Variants in CHN2 observed in about 807,000 individuals in gnomAD.
CHN2 encodes the protein chimerin 2, also known as beta-chimaerin.
CHN2 carries 35 observed loss-of-function variants against 56.3 expected under a neutral mutation model. The observed-to-expected ratio is 0.62, with a 90% CI of 0.47 to 0.82. The LOEUF (loss-of-function observed/expected upper bound fraction) is 0.82. Ranked by LOEUF, CHN2 falls within the 40% of genes least tolerant of loss-of-function variation. The pLI, the probability that CHN2 is intolerant of heterozygous loss-of-function variation, is 0.00. For synonymous variants in CHN2, 210 were observed against 212.8 expected (o/e 0.99, Z 0.12); for missense variants, 491 against 580.5 (o/e 0.85, Z 1.58).
intron 1 of CHN2, among the ~76,000 whole-genome samples, chr7:29,314,562 G>T (rs143545583): frequency 1.3e-5 from 2 of 152,090 alleles, no homozygotes; most frequent in Admixed American, 1.3e-4. Flanking sequence ...ATAAAATTAA[G>T]TGTAAAACTA....
At chr7:29,457,174 T>A (rs1009368458) in intron 6 of CHN2, among the ~76,000 whole-genome samples, 2 of 152,096 alleles carry the variant, frequency 1.3e-5, no homozygotes, top group Non-Finnish European at 2.9e-5. Context: ...AGTGCCACCA[T>A]CAGAGCAGGT....
At chr7:29,454,680 A>C (rs2128133103) in intron 6 of CHN2, among the ~76,000 whole-genome samples, 1 of 152,310 alleles carries the variant, frequency 6.6e-6, no homozygotes, top group East Asian at 1.9e-4. Context: ...CTTCTGCCCA[A>C]AAATGACACC....
intron 1 of CHN2, among the ~76,000 whole-genome samples, chr7:29,223,114 A>G (rs1352174670): frequency 6.6e-6 from 1 of 152,198 alleles, no homozygotes; most frequent in Non-Finnish European, 1.5e-5. Context: ...GCTCAACACT[A>G]TTAGTCATGA....
At chr7:29,399,461 T>TA (rs1802027551) in intron 5 of CHN2, among the ~76,000 whole-genome samples, 1 of 152,168 alleles carries the variant, frequency 6.6e-6, no homozygotes, top group Non-Finnish European at 1.5e-5. Context: ...TCACAAGTAT[T>TA]AAACATCACA....
chr7:29,283,226 T>C (rs558809851), intron 1 of CHN2, among the ~76,000 whole-genome samples: 1 of 152,326 alleles, frequency 6.6e-6, no homozygotes, highest in African/African-American at 2.4e-5. Context: ...CTGAGTGCTT[T>C]GTGTATTAAC....
chr7:29,421,838 C>T (rs1329895093), intron 6 of CHN2, among the ~76,000 whole-genome samples: 1 of 152,142 alleles, frequency 6.6e-6, no homozygotes, highest in Non-Finnish European at 1.5e-5. Flanking sequence ...GCTATTTGAA[C>T]ACCGGCCCAT....
intron 1 of CHN2, among the ~76,000 whole-genome samples, chr7:29,270,497 A>C (rs1414740220): frequency 6.7e-6 from 1 of 150,226 alleles, no homozygotes; most frequent in Non-Finnish European, 1.5e-5. Flanking sequence ...TCTACTAAAA[A>C]AAAAAAAAAA....
At chr7:29,476,259 G>A (rs1025322334) in intron 6 of CHN2, among the ~76,000 whole-genome samples, 11 of 152,040 alleles carry the variant, frequency 7.2e-5, no homozygotes, top group African/African-American at 2.7e-4. Context: ...AAAGTGGGCC[G>A]GGTGCCATGG....
intron 1 of CHN2, among the ~76,000 whole-genome samples, chr7:29,256,555 A>T: frequency 6.6e-6 from 1 of 152,218 alleles, no homozygotes; most frequent in Middle Eastern, 3.2e-3. Flanking sequence ...TGACCTCATT[A>T]CAAAGAAGTG....
intron 1 of CHN2, among the ~76,000 whole-genome samples, chr7:29,313,366 A>C (rs1238101843): frequency 6.6e-6 from 1 of 152,194 alleles, no homozygotes; most frequent in Non-Finnish European, 1.5e-5. Context: ...AACTGGGAGG[A>C]TTCCCCTGAA....
intron 7 of CHN2, among the ~76,000 whole-genome samples, chr7:29,484,904 CTAAG>C (rs1787789575): frequency 6.6e-6 from 1 of 152,154 alleles, no homozygotes; most frequent in Non-Finnish European, 1.5e-5. Context: ...CTAATTGCTC[CTAAG>C]TGTCAACCCC....
Position 29,481,497 on chromosome 7 carries a change from G to A in CHN2, c.654+1141G>A, listed in dbSNP as rs369168128. Among the ~76,000 whole-genome samples, 4 of 152,224 alleles carry A rather than the reference G, an allele frequency of 2.6e-5. No individual in the cohort carries two copies. In the East Asian group the frequency reaches 5.8e-4, roughly 22 times the overall value. On this transcript the variant is annotated intron_variant, in intron 7 of 12. Coordinates refer to ENST00000222792, the MANE Select transcript of CHN2 (RefSeq NM_004067.4). ...TAGAAAGCCAGCAGCTCAGGCATTT[G>A]CATGCTATAATTGAACTGAGGAATG... is the stretch of plus-strand genomic sequence containing the variant.
intron 1 of CHN2, among the ~76,000 whole-genome samples, chr7:29,252,966 T>C (rs1318629427): frequency 6.6e-6 from 1 of 152,194 alleles, no homozygotes; most frequent in Non-Finnish European, 1.5e-5. Context: ...AAATATTTTC[T>C]ACAGGACCAT....
At chr7:29,482,096 T>G (rs1322085737) in intron 7 of CHN2, among the ~76,000 whole-genome samples, 4 of 152,204 alleles carry the variant, frequency 2.6e-5, no homozygotes, top group Non-Finnish European at 2.9e-5. Context: ...ACACAATATA[T>G]TACTTATCAC....
chr7:29,204,864 T>G (rs1389446468), intron 1 of CHN2, among the ~76,000 whole-genome samples: 9 of 152,122 alleles, frequency 5.9e-5, no homozygotes, highest in African/African-American at 2.2e-4. Flanking sequence ...CTTTGTAAAC[T>G]CTCCTGAAAT....
chr7:29,293,055 T>C (rs983076709), intron 1 of CHN2: 23 of 455,124 alleles, frequency 5.1e-5, no homozygotes, highest in African/African-American at 4.6e-4. Flanking sequence ...CATGCCCCAC[T>C]CCCCGCTTCC....
chr7:29,286,312 C>G (rs1057065345), intron 1 of CHN2, among the ~76,000 whole-genome samples: 1 of 151,742 alleles, frequency 6.6e-6, no homozygotes, highest in African/African-American at 2.4e-5. Context: ...TGTGGCAGGC[C>G]TCATCTTTAT....
chr7:29,279,636 TG>T lies in CHN2; in HGVS notation c.50-74985del, dbSNP rs1335431164. ...CTGAGGTGTCAGGGAACTCAGGGAA[TG>T]GGGCTCCCCAGTCGGAAAACAGGAG... is the stretch of plus-strand genomic sequence containing the variant. On this transcript the variant is annotated intron_variant, in intron 1 of 12. Transcript: ENST00000222792. Among the ~76,000 whole-genome samples the T allele has an allele frequency of 1.4e-3, 217 of 152,184 alleles. 2 individuals carry two copies. The highest frequency in any genetic ancestry group is 1.8e-4 in the Non-Finnish European group (12 of 67,998).
rs577924530 is a variant in CHN2 at position 29,155,592 on chromosome 7, T to G, written c.274+8632T>G. Among the ~76,000 whole-genome samples, 27 of 152,344 alleles carry G rather than the reference T, an allele frequency of 1.8e-4. No individual in the cohort carries two copies. In the East Asian group the frequency reaches 5.2e-3, roughly 29 times the overall value. Reference sequence around the variant, plus strand: ...GCATAGGTCTCTCTGACACCAAAACTGCCATTTTTCTCACCTCTTTGTCTA... The same window carrying G: ...GCATAGGTCTCTCTGACACCAAAACGGCCATTTTTCTCACCTCTTTGTCTA... On this transcript the variant is annotated intron_variant, in intron 2 of 6. Coordinates refer to the CHN2 transcript ENST00000439384.
Sources: allele counts gnomAD v4.1 joint callset (sites outside exome capture counted in the v4.1 genomes callset), GRCh38; gene constraint gnomAD v4.1.1; transcripts MANE v1.5; gene names NCBI Gene and HGNC (gene_info 2026-07-23, HGNC 2026-07-21).